Variants in NRXN3 observed in about 807,000 individuals in gnomAD.
NRXN3 encodes neurexin III.
Under a neutral mutation model 137.6 loss-of-function variants are expected in NRXN3, and 32 were observed. The ratio of observed to expected loss-of-function variants is 0.23; its 90% confidence interval spans 0.18 to 0.31. NRXN3 has a LOEUF of 0.31. NRXN3 is among the 10% of genes least tolerant of loss of function. The pLI, the probability that NRXN3 is intolerant of heterozygous loss-of-function variation, is 1.00. For synonymous variants in NRXN3, 798 were observed against 784.5 expected (o/e 1.02, Z -0.29); for missense variants, 1,574 against 2,062.5 (o/e 0.76, Z 4.59).
chr14:78,549,347 C>G (rs1001293254), intron 4 of NRXN3, among the ~76,000 whole-genome samples: 2 of 152,128 alleles, frequency 1.3e-5, no homozygotes, highest in Non-Finnish European at 2.9e-5. Context: ...CCTGAAGGCC[C>G]TTCTCCTTCT....
intron 6 of NRXN3, among the ~76,000 whole-genome samples, chr14:78,680,147 C>A (rs2098058893): frequency 6.6e-6 from 1 of 152,048 alleles, no homozygotes; most frequent in Non-Finnish European, 1.5e-5. Flanking sequence ...CCAAATACTG[C>A]ATATTCTTAT....
At chr14:79,765,786 G>C (rs1183098773) in intron 19 of NRXN3, among the ~76,000 whole-genome samples, 1 of 152,188 alleles carries the variant, frequency 6.6e-6, no homozygotes, top group Non-Finnish European at 1.5e-5. Context: ...CTCTGGCGGT[G>C]TGAGACCATA....
intron 15 of NRXN3, among the ~76,000 whole-genome samples, chr14:79,235,993 C>T (rs1374960220): frequency 1.3e-5 from 2 of 152,100 alleles, no homozygotes; most frequent in Admixed American, 1.3e-4. Context: ...ACCAGATCCT[C>T]CAAAATAATG....
intron 20 of NRXN3, among the ~76,000 whole-genome samples, chr14:79,812,439 C>G (rs2099237462): frequency 6.6e-6 from 1 of 151,930 alleles, no homozygotes; most frequent in Non-Finnish European, 1.5e-5. Context: ...GAAATGCCCA[C>G]GATATTATCA....
At chr14:78,947,493 G>A (rs1040211461) in intron 10 of NRXN3, among the ~76,000 whole-genome samples, 1 of 152,076 alleles carries the variant, frequency 6.6e-6, no homozygotes, top group African/African-American at 2.4e-5. Context: ...GAACCTGAAG[G>A]GTCTTTGGGT....
intron 4 of NRXN3, among the ~76,000 whole-genome samples, chr14:78,474,231 A>G (rs2095336877): frequency 6.6e-6 from 1 of 152,200 alleles, no homozygotes; most frequent in Non-Finnish European, 1.5e-5. Context: ...GGTTATTTGT[A>G]GTTTTAGAAA....
intron 2 of NRXN3, among the ~76,000 whole-genome samples, chr14:78,244,038 G>A (rs2067332686): frequency 6.6e-6 from 1 of 152,198 alleles, no homozygotes; most frequent in Non-Finnish European, 1.5e-5. Context: ...CCTACTCAGA[G>A]GGTTAGATGA....
chr14:79,639,251 A>T (rs1288908484), intron 16 of NRXN3, among the ~76,000 whole-genome samples: 3 of 152,162 alleles, frequency 2.0e-5, no homozygotes, highest in African/African-American at 7.2e-5. Context: ...GTTCATGTGA[A>T]GTTTTGATAT....
chr14:79,817,366 A>G (rs2099255041), intron 20 of NRXN3, among the ~76,000 whole-genome samples: 1 of 152,022 alleles, frequency 6.6e-6, no homozygotes, highest in Non-Finnish European at 1.5e-5. Flanking sequence ...CTATATAGTA[A>G]ACTTTCGATG....
chr14:78,463,369 A>G (rs2094985714), intron 4 of NRXN3, among the ~76,000 whole-genome samples: 1 of 131,324 alleles, frequency 7.6e-6, no homozygotes, highest in African/African-American at 2.8e-5. Flanking sequence ...TATGAGTGCC[A>G]GTGTCTTTTT....
intron 15 of NRXN3, among the ~76,000 whole-genome samples, chr14:79,230,596 C>T (rs966359702): frequency 6.6e-6 from 1 of 152,194 alleles, no homozygotes; most frequent in Non-Finnish European, 1.5e-5. Flanking sequence ...AGCTTGGAAG[C>T]TCATTCCATT....
chr14:79,618,113 G>T (rs1019214298), intron 16 of NRXN3, among the ~76,000 whole-genome samples: 4 of 151,978 alleles, frequency 2.6e-5, no homozygotes, highest in Non-Finnish European at 4.4e-5. Context: ...TAATTTTGCA[G>T]AAGTAAGATA....
At chr14:79,522,040 A>G (rs1173374039) in intron 16 of NRXN3, among the ~76,000 whole-genome samples, 1 of 152,176 alleles carries the variant, frequency 6.6e-6, no homozygotes, top group African/African-American at 2.4e-5. Flanking sequence ...TTTCTTGAAG[A>G]GGCATTGTCT....
At chr14:78,720,653 T>C (rs774662660) in intron 8 of NRXN3, among the ~76,000 whole-genome samples, 7 of 152,228 alleles carry the variant, frequency 4.6e-5, no homozygotes, top group Non-Finnish European at 7.3e-5. Context: ...CTCTCTTCCA[T>C]CTCTATCATT....
chr14:79,449,306 C>A (rs1302051773), intron 15 of NRXN3, among the ~76,000 whole-genome samples: 4 of 152,258 alleles, frequency 2.6e-5, no homozygotes, highest in East Asian at 1.9e-4. Context: ...CGAATCCCTT[C>A]GCATTTCTTG....
At chr14:79,285,287 T>C (rs984633643) in intron 15 of NRXN3, among the ~76,000 whole-genome samples, 1 of 152,198 alleles carries the variant, frequency 6.6e-6, no homozygotes, top group Non-Finnish European at 1.5e-5. Flanking sequence ...AAAAGAGAAA[T>C]GTATTTCATT....
At chr14:79,115,051 C>T (rs1471746414) in intron 15 of NRXN3, among the ~76,000 whole-genome samples, 2 of 152,064 alleles carry the variant, frequency 1.3e-5, no homozygotes, top group East Asian at 1.9e-4. Context: ...CTAGGCCAGG[C>T]ACGGTGGCTC....
intron 15 of NRXN3, among the ~76,000 whole-genome samples, chr14:79,137,276 T>G (rs1354320891): frequency 6.6e-6 from 1 of 152,090 alleles, no homozygotes; most frequent in East Asian, 1.9e-4. Context: ...GACAGGAGAG[T>G]GTTCTGTTCC....
chr14:78,900,944 A>T (rs73323322), intron 10 of NRXN3, among the ~76,000 whole-genome samples: 2,379 of 152,150 alleles, frequency 0.016, 56 homozygotes, highest in African/African-American at 0.054. Flanking sequence ...AGGACATCAA[A>T]TGACTCGCCC....
Sources: allele counts gnomAD v4.1 joint callset (sites outside exome capture counted in the v4.1 genomes callset), GRCh38; gene constraint gnomAD v4.1.1; transcripts MANE v1.5; gene names NCBI Gene and HGNC (gene_info 2026-07-23, HGNC 2026-07-21).